The following PSD2 variants were observed in gnomAD, a reference collection of about 807,000 sequenced individuals.
PSD2 encodes pleckstrin and Sec7 domain containing 2.
In PSD2, 38 loss-of-function variants were observed where a neutral mutation model predicts 69.8. The observed-to-expected ratio is 0.54, with a 90% confidence interval of 0.42 to 0.71. The LOEUF (loss-of-function observed/expected upper bound fraction) is 0.71, where lower values mean the gene tolerates loss of function less well. PSD2 is among the 30% of genes least tolerant of loss of function. PSD2 has a pLI of 0.00. For synonymous variants in PSD2, 412 were observed against 423.0 expected (o/e 0.97, Z 0.32); for missense variants, 943 against 1,014.5 (o/e 0.93, Z 0.96).
chr5:139,766,527 C>G, the PSD2 span, among the ~76,000 whole-genome samples: 1 of 152,196 alleles, frequency 6.6e-6, no homozygotes, highest in African/African-American at 2.4e-5. Context: ...GCAGAAGGGA[C>G]CCAGGTTAGA....
At chr5:139,838,541 C>T (rs55661940) in intron 12 of PSD2, 87 bp from the exon 13 acceptor site, 318 of 1,468,574 alleles carry the variant, frequency 2.2e-4, no homozygotes, top group Non-Finnish European at 2.5e-4. Flanking sequence ...TTCTCAGTGC[C>T]AGGCCCAGTG....
intron 7 of PSD2, among the ~76,000 whole-genome samples, chr5:139,826,005 T>C (rs1228558176): frequency 1.3e-5 from 2 of 152,134 alleles, no homozygotes; most frequent in Non-Finnish European, 2.9e-5. Flanking sequence ...GTGTGGCATC[T>C]CTGAAGCCCA....
the PSD2 span, among the ~76,000 whole-genome samples, chr5:139,766,930 C>CCTTCCTTCCT: frequency 2.0e-4 from 9 of 44,120 alleles, no homozygotes; most frequent in African/African-American, 7.0e-4. Context: ...CCTTCCTTCC[C>CCTTCCTTCCT]TTCTTTCTTT....
At chr5:139,789,944 G>T in the PSD2 span, among the ~76,000 whole-genome samples, 10 of 152,084 alleles carry the variant, frequency 6.6e-5, no homozygotes, top group Non-Finnish European at 1.3e-4. Context: ...AGGGGTGGGC[G>T]GTGCGGATAC....
chr5:139,836,994 C>A lies in PSD2; in HGVS notation c.1587C>A (p.Gly529=). The change falls in exon 10 of 15, where the codon GGC becomes GGA. Residue 529 remains glycine (G), a synonymous_variant. Transcript: ENST00000274710. The stretch of plus-strand genomic sequence containing the variant: ...GGAAGACTCACGCTGACATGGATGG[C>A]AAGAGGAGTGGGTGTCAGGCTGGGA... The part of the protein sequence containing the change: ...LTRKTHADMD[G]KRTPRGRRGW... 6.2e-7 allele frequency: 1 copy of A among 1,611,488 alleles called. No individual in the cohort carries two copies. Among genetic ancestry groups the A allele is most frequent in the Non-Finnish European group, 8.5e-7 (1 of 1,178,434 alleles).
rs1760760404 is a variant in PSD2 at position 139,837,510 on chromosome 5, G to A, written c.1666-115G>A. The A allele has an allele frequency of 8.7e-7, 1 of 1,148,612 alleles. No individual in the cohort carries two copies. Among genetic ancestry groups the A allele is most frequent in the Non-Finnish European group, 1.2e-6 (1 of 808,278 alleles). 71.2% of individuals were successfully genotyped at this position (1,148,612 alleles called of 1,614,324 possible). On this transcript the variant is annotated intron_variant, in intron 11 of 14. Coordinates refer to ENST00000274710, the MANE Select transcript of PSD2 (RefSeq NM_032289.4). The surrounding 1 kb of genome is among the most constrained non-coding windows in gnomAD (Gnocchi z 5.0). ...CCTGGATTCTTGTTGGGGTGGGTGA[G>A]GCAGCAGGAACAGAAAATTAAGGGA... is the stretch of plus-strand genomic sequence containing the variant.
At position 139,821,966 on chromosome 5, in the gene PSD2, C is replaced by T. The variant is rs547591794; in HGVS notation, c.1171C>T (p.Arg391Trp). 22 of 1,609,866 alleles carry T rather than the reference C, an allele frequency of 1.4e-5. No homozygotes were observed. Among genetic ancestry groups the T allele is most frequent in the African/African-American group, 4.0e-5 (3 of 74,962 alleles). Residue 391 changes from arginine (R) to tryptophan (W), a missense_variant, in exon 6 of 15, where the codon CGG becomes TGG. This residue lies in a region of PSD2 where 312 missense variants were observed against 400.7 expected (regional missense o/e 0.78). Transcript: ENST00000274710. The stretch of plus-strand genomic sequence containing the variant: ...GCGGGTCCTCACACACTTCTCCCGC[C>T]GGTACTGCCAGTGCAACCCTGATGA... ...RERVLTHFSR[R>W]YCQCNPDDST...
chr5:139,791,065 A>G (rs981335800), upstream of PSD2, among the ~76,000 whole-genome samples: 10 of 152,186 alleles, frequency 6.6e-5, no homozygotes, highest in Non-Finnish European at 1.2e-4. Context: ...AAAATAAAAA[A>G]AGAAAAGAAA....
At chr5:139,805,063 C>T (rs904083276) in intron 1 of PSD2, among the ~76,000 whole-genome samples, 3 of 151,854 alleles carry the variant, frequency 2.0e-5, no homozygotes, top group Non-Finnish European at 4.4e-5. Context: ...TGTGTGTGCA[C>T]GTGCGCGTGT....
the PSD2 span, among the ~76,000 whole-genome samples, chr5:139,769,815 G>A: frequency 6.6e-6 from 1 of 152,226 alleles, no homozygotes; most frequent in Non-Finnish European, 1.5e-5. Context: ...AGTCCTCCTT[G>A]GAAGTTTCCA....
At position 139,842,559 on chromosome 5, in the gene PSD2, CA is replaced by C. The variant is rs2126974375; in HGVS notation, c.*87del. ...AATTCCAGCCAGGGGCCACTTGGAC[CA>C]AGCTCCAGTCAGTTGATGGGCAGCT... On this transcript the variant is annotated 3_prime_UTR_variant, in exon 15 of 15. Coordinates refer to ENST00000274710, the MANE Select transcript of PSD2 (RefSeq NM_032289.4). The C allele has an allele frequency of 8.0e-7, 1 of 1,250,798 alleles. No homozygotes were observed. The highest frequency in any genetic ancestry group is 2.3e-5 in the East Asian group (1 of 42,704). The allele number at this position is 1,250,798 out of a possible 1,614,324, so 77.5% of individuals were successfully genotyped here. A position where few individuals can be genotyped will look rare whatever the true frequency, so the allele number is the denominator to read the frequency against.
upstream of PSD2, among the ~76,000 whole-genome samples, chr5:139,792,188 G>T (rs956383624): frequency 1.3e-5 from 2 of 152,082 alleles, no homozygotes; most frequent in African/African-American, 4.8e-5. Flanking sequence ...ACAGGGGCAG[G>T]TTACAACAAA....
At position 139,813,456 on chromosome 5, in the gene PSD2, C is replaced by A; in HGVS notation, c.519C>A (p.Cys173Ter). The change falls in exon 3 of 15, where the codon TGC becomes TGA. Residue 173 changes from cysteine to a stop codon, truncating the protein, a stop_gained. Transcript: ENST00000274710. LOFTEE classifies it high-confidence loss of function. ...GLSLTDESDS[C>*]VSFEAPLTPL... ...GCCTCACGGATGAGAGCGACAGCTG[C>A]GTCAGCTTCGAGGCCCCCCTCACAC... 6.2e-7 allele frequency: 1 copy of A among 1,614,050 alleles called. No individual in the cohort carries two copies.
chr5:139,749,458 C>A, the PSD2 span, among the ~76,000 whole-genome samples: 1 of 152,228 alleles, frequency 6.6e-6, no homozygotes, highest in African/African-American at 2.4e-5. Flanking sequence ...CCATTCTGAG[C>A]AGCTAGGATG....
intron 5 of PSD2, among the ~76,000 whole-genome samples, chr5:139,820,239 G>A (rs1247541268): frequency 1.3e-5 from 2 of 152,164 alleles, no homozygotes; most frequent in Non-Finnish European, 2.9e-5. Flanking sequence ...GGGCTGGGGA[G>A]TAGGAGTTGG....
At chr5:139,769,515 C>A in the PSD2 span, among the ~76,000 whole-genome samples, 5 of 151,946 alleles carry the variant, frequency 3.3e-5, no homozygotes, top group Admixed American at 3.3e-4. Flanking sequence ...AGGCTTCCCA[C>A]CTTCCTTCAT....
chr5:139,781,344 T>C, the PSD2 span, among the ~76,000 whole-genome samples: 1 of 152,076 alleles, frequency 6.6e-6, no homozygotes, highest in African/African-American at 2.4e-5. Context: ...CTCTCTTTTT[T>C]TTTTTTTCTG....
the PSD2 span, among the ~76,000 whole-genome samples, chr5:139,783,167 G>A: frequency 2.6e-5 from 4 of 152,136 alleles, no homozygotes; most frequent in African/African-American, 4.8e-5. Context: ...GGCTGGGCAC[G>A]GTCACACCTG....
At chr5:139,824,413 T>C (rs990761021) in intron 7 of PSD2, among the ~76,000 whole-genome samples, 1 of 149,064 alleles carries the variant, frequency 6.7e-6, no homozygotes, top group African/African-American at 2.5e-5. Flanking sequence ...TTTTTTTTTT[T>C]TGAGACGGAG....
Sources: gnomAD v4.1 joint callset for allele counts (sites outside exome capture counted in the v4.1 genomes callset) on GRCh38, gnomAD v4.1.1 for gene constraint, gnomAD v4.1.1 regional missense constraint, Gnocchi (gnomAD v3.1) non-coding constraint, MANE v1.5 for transcripts, NCBI Gene and HGNC (gene_info 2026-07-23, HGNC 2026-07-21) for gene names.